Variants in EFCAB6 observed in about 807,000 individuals in gnomAD.
EFCAB6 encodes EF-hand calcium binding domain 6.
EFCAB6 carries 156 observed loss-of-function variants against 169.8 expected under a neutral mutation model. The observed-to-expected ratio is 0.92, with a 90% CI of 0.81 to 1.05. The LOEUF (loss-of-function observed/expected upper bound fraction) is 1.05. EFCAB6 is among the 50% of genes least tolerant of loss of function. EFCAB6 has a pLI of 0.00. For missense variants in EFCAB6, 1,800 were observed against 1,829.1 expected (o/e 0.98, Z 0.29); for synonymous variants, 698 against 676.4 (o/e 1.03, Z -0.50).
At chr22:43,531,023 G>A in intron 30 of EFCAB6, 59 bp from the exon 31 acceptor site, 1 of 1,603,624 alleles carries the variant, frequency 6.2e-7, no homozygotes. Context: ...GTTGGGGTGG[G>A]CTCCTCCTCG....
At chr22:43,616,887 A>T (rs2053728988) in intron 20 of EFCAB6, among the ~76,000 whole-genome samples, 1 of 152,202 alleles carries the variant, frequency 6.6e-6, no homozygotes, top group African/African-American at 2.4e-5. Flanking sequence ...GCACCTGGCC[A>T]GTGTAAACTG....
At position 43,668,081 on chromosome 22, in the gene EFCAB6, A is replaced by T. The variant is rs1407592124; in HGVS notation, c.1814+791T>A. On this transcript the variant is annotated intron_variant, in intron 16 of 31. Transcript: ENST00000262726. ...AACATATCTTATCATGGAATATTTAACCCGTCTCTTAAAATACCATCTTTA... is the reference window on the plus strand; with the variant it reads ...AACATATCTTATCATGGAATATTTATCCCGTCTCTTAAAATACCATCTTTA... 3.9e-5 allele frequency among the ~76,000 whole-genome samples: 6 copies of T among 152,194 alleles called. No individual in the cohort carries two copies. The East Asian group carries it at 1.2e-3, about 29-fold the overall frequency.
chr22:43,769,074 G>A (rs751456312), intron 4 of EFCAB6, among the ~76,000 whole-genome samples: 4 of 152,168 alleles, frequency 2.6e-5, no homozygotes, highest in Non-Finnish European at 5.9e-5. Flanking sequence ...ATTCACAAAA[G>A]TCAAAACGTG....
chr22:43,693,338 T>G (rs114152686), intron 10 of EFCAB6, among the ~76,000 whole-genome samples: 1 of 151,794 alleles, frequency 6.6e-6, no homozygotes, highest in Admixed American at 6.6e-5. Flanking sequence ...GCACTTTACC[T>G]GTATGGTCTT....
At chr22:43,582,311 G>A (rs1005720907) in intron 24 of EFCAB6, among the ~76,000 whole-genome samples, 3 of 151,528 alleles carry the variant, frequency 2.0e-5, no homozygotes, top group African/African-American at 7.3e-5. Context: ...AGGCATTTGA[G>A]GATGAAATGG....
At chr22:43,538,893 T>G (rs73430055) in intron 28 of EFCAB6, among the ~76,000 whole-genome samples, 6,032 of 152,240 alleles carry the variant, frequency 0.04, 404 homozygotes, top group African/African-American at 0.14. Context: ...AGGTCCAAAG[T>G]CTGAACTGGG....
chr22:43,712,862 A>C (rs1347469368), intron 9 of EFCAB6, among the ~76,000 whole-genome samples: 3 of 152,196 alleles, frequency 2.0e-5, no homozygotes, highest in African/African-American at 7.2e-5. Context: ...TGAAACCGAA[A>C]TAGTGTCCTT....
At chr22:43,596,955 C>T (rs538262813) in intron 23 of EFCAB6, among the ~76,000 whole-genome samples, 3 of 152,220 alleles carry the variant, frequency 2.0e-5, no homozygotes, top group South Asian at 2.1e-4. Context: ...CATGCACTTA[C>T]AGCAAATTCA....
chr22:43,661,603 G>C (rs527357563), intron 17 of EFCAB6, among the ~76,000 whole-genome samples: 1 of 152,238 alleles, frequency 6.6e-6, no homozygotes, highest in South Asian at 2.1e-4. Context: ...AAAGAATAGC[G>C]CCCTTCTCCT....
intron 2 of EFCAB6, among the ~76,000 whole-genome samples, chr22:43,806,403 T>G (rs893034452): frequency 6.6e-6 from 1 of 151,912 alleles, no homozygotes; most frequent in Non-Finnish European, 1.5e-5. Context: ...TGCAGGTGCA[T>G]GCCACCACAC....
At chr22:43,529,702 G>A (rs1347615538) in intron 31 of EFCAB6, among the ~76,000 whole-genome samples, 1 of 152,158 alleles carries the variant, frequency 6.6e-6, no homozygotes, top group Admixed American at 6.5e-5. Flanking sequence ...TGGATCATGA[G>A]GTGGCCTAGA....
At chr22:43,779,684 G>A (rs1439861097) in intron 3 of EFCAB6, among the ~76,000 whole-genome samples, 1 of 152,060 alleles carries the variant, frequency 6.6e-6, no homozygotes, top group Non-Finnish European at 1.5e-5. Context: ...AGCTTGCAGT[G>A]AGCCAAGATC....
intron 21 of EFCAB6, among the ~76,000 whole-genome samples, chr22:43,615,042 C>T (rs2053601543): frequency 6.6e-6 from 1 of 152,208 alleles, no homozygotes; most frequent in South Asian, 2.1e-4. Flanking sequence ...ACTTCAAAGA[C>T]AAAATTCTTT....
chr22:43,730,193 A>G (rs1013025728), intron 8 of EFCAB6, among the ~76,000 whole-genome samples: 1 of 25,564 alleles, frequency 3.9e-5, no homozygotes, highest in African/African-American at 1.6e-4. Flanking sequence ...AGAAATAAGA[A>G]AGAAAAAAGA....
chr22:43,537,312 G>C lies in EFCAB6; in HGVS notation c.4048+65C>G. 1 of 1,572,350 alleles carries C rather than the reference G, an allele frequency of 6.4e-7. No homozygotes were observed. ...CACCCGGGGTGTGGCTTTGTACCCA[G>C]TGGGAACAGCCTCTTGCCACAGGGG... On this transcript the variant is annotated intron_variant, in intron 29 of 31. Transcript: ENST00000262726. The surrounding 1 kb of genome is among the most constrained non-coding windows in gnomAD (Gnocchi z 4.3).
At chr22:43,788,603 G>A (rs778575952) in intron 2 of EFCAB6, among the ~76,000 whole-genome samples, 1 of 152,186 alleles carries the variant, frequency 6.6e-6, no homozygotes, top group Non-Finnish European at 1.5e-5. Flanking sequence ...AGATTATAGA[G>A]ATATTGGAAT....
At chr22:43,573,986 T>A (rs1602350692) in intron 26 of EFCAB6, among the ~76,000 whole-genome samples, 1 of 152,090 alleles carries the variant, frequency 6.6e-6, no homozygotes, top group South Asian at 2.1e-4. Context: ...AAAATATATA[T>A]AAGGGGCTGC....
rs113487044 is a variant in EFCAB6, at chr22:43,776,779, G to A, written c.140-3676C>T. ...GGGGAGGAAAAGGCCAGTCCACACA[G>A]GCTTCAGGCACCTGCAGAAAGGATG... is the stretch of plus-strand genomic sequence containing the variant. On this transcript the variant is annotated intron_variant, in intron 3 of 31. Transcript: ENST00000262726. Among the ~76,000 whole-genome samples, 253 of 152,310 alleles carry A rather than the reference G, an allele frequency of 1.7e-3. 1 individual carries two copies. Among genetic ancestry groups the A allele is most frequent in the African/African-American group, 5.7e-3 (238 of 41,560 alleles).
chr22:43,545,600 G>A (rs1435231574), intron 27 of EFCAB6, among the ~76,000 whole-genome samples: 1 of 152,200 alleles, frequency 6.6e-6, no homozygotes, highest in Non-Finnish European at 1.5e-5. Context: ...GGGGTTGGGA[G>A]ACTGAGGCAC....
Sources: gnomAD v4.1 joint callset for allele counts (sites outside exome capture counted in the v4.1 genomes callset) on GRCh38, gnomAD v4.1.1 for gene constraint, Gnocchi (gnomAD v3.1) non-coding constraint, MANE v1.5 for transcripts, NCBI Gene and HGNC (gene_info 2026-07-23, HGNC 2026-07-21) for gene names.